Variants in LRIG2 observed in about 807,000 individuals in gnomAD.
The protein encoded by LRIG2 is leucine-rich repeats and immunoglobulin-like domains protein 2.
A neutral mutation model predicts 107.8 loss-of-function variants in LRIG2; 93 were observed. The ratio of observed to expected loss-of-function variants is 0.86; its 90% CI spans 0.73 to 1.03. The LOEUF is 1.03. Among genes scored for constraint, LRIG2 ranks in the 50% least tolerant of loss-of-function variants. The probability of loss-of-function intolerance (pLI) is 0.00; values close to 1 mark genes in which losing one functional copy is unlikely to be tolerated. For synonymous variants in LRIG2, 471 were observed against 470.6 expected, an observed-to-expected ratio of 1.00 and a Z score of -0.01; for missense variants, 1,226 against 1,296.0, an observed-to-expected ratio of 0.95 and a Z score of 0.83.
intron 15 of LRIG2, among the ~76,000 whole-genome samples, chr1:113,115,622 G>A (rs1352356899): frequency 6.6e-6 from 1 of 151,956 alleles, no homozygotes; most frequent in Admixed American, 6.6e-5. Context: ...CCACTTCCCG[G>A]GTTCAAGCGA....
rs1199575794 is a variant in LRIG2 at position 113,095,872 on chromosome 1, A to C, written c.804-2A>C. ...TTTTCTTCTCTTTCTCTAATTCTGC[A>C]GAGAACTGGAACACAACAACCTTAC... On this transcript the variant is annotated splice_acceptor_variant, in intron 6 of 17. Transcript: ENST00000361127. LOFTEE classifies it high-confidence loss of function. 4 of 1,614,142 alleles carry C rather than the reference A, an allele frequency of 2.5e-6. No homozygotes were observed. The highest frequency in any genetic ancestry group is 1.7e-5 in the Admixed American group (1 of 60,014).
chr1:113,124,217 G>A lies in LRIG2; in HGVS notation c.*116G>A. ...TTTGCTTTACTCTTTCTTTATGATT[G>A]CATCTGACCGCACCAAGGTGGGCCA... On this transcript the variant is annotated 3_prime_UTR_variant, in exon 18 of 18. Transcript: ENST00000361127. The A allele has an allele frequency of 1.2e-6, 1 of 858,784 alleles. No homozygotes were observed. Among genetic ancestry groups the A allele is most frequent in the East Asian group, 2.6e-5 (1 of 38,056 alleles). 53.2% of individuals were successfully genotyped at this position (858,784 alleles called of 1,614,324 possible). A position where few individuals can be genotyped will look rare whatever the true frequency, so the allele number is the denominator to read the frequency against.
chr1:113,109,152 G>T (rs187370392), intron 12 of LRIG2, among the ~76,000 whole-genome samples: 1 of 152,104 alleles, frequency 6.6e-6, no homozygotes, highest in Non-Finnish European at 1.5e-5. Flanking sequence ...TGACATTGCC[G>T]CACATTCCCT....
Position 113,119,475 on chromosome 1 carries a change from C to T in LRIG2, c.2923C>T (p.His975Tyr). The T allele has an allele frequency of 6.2e-7, 1 of 1,614,122 alleles. No individual in the cohort carries two copies. Among genetic ancestry groups the T allele is most frequent in the Non-Finnish European group, 8.5e-7 (1 of 1,180,026 alleles). Reference protein sequence around the residue: ...NREPSAFPTNHERISEKKLPS... With the variant: ...NREPSAFPTNYERISEKKLPS... Reference sequence around the variant, plus strand: ...AGAGCCATCTGCCTTTCCCACCAACCATGAGAGGATAAGTGAGAAGAAACT... The same window carrying T: ...AGAGCCATCTGCCTTTCCCACCAACTATGAGAGGATAAGTGAGAAGAAACT... Residue 975 changes from histidine to tyrosine, a missense_variant, in exon 17 of 18, where the codon CAT (histidine) becomes TAT (tyrosine). Around this residue, in one of 3 missense-constraint regions of LRIG2, gnomAD observed 642 missense variants for 712.2 expected, o/e 0.90. Coordinates refer to ENST00000361127, the MANE Select transcript of LRIG2 (RefSeq NM_014813.3).
chr1:113,080,019 ATT>A (rs35584269), intron 1 of LRIG2, among the ~76,000 whole-genome samples: 19 of 112,602 alleles, frequency 1.7e-4, no homozygotes, highest in African/African-American at 5.9e-4. Context: ...CCTGGCCCGA[ATT>A]TTTTTTTTTT....
intron 17 of LRIG2, 54 bp downstream of exon 17, chr1:113,119,577 T>A (rs1655162566): frequency 6.5e-7 from 1 of 1,537,738 alleles, no homozygotes; most frequent in Non-Finnish European, 8.9e-7. Context: ...TAATTGACTC[T>A]TCCTTCTATC....
At chr1:113,090,113 G>A (rs951980533) in intron 1 of LRIG2, among the ~76,000 whole-genome samples, 2 of 152,034 alleles carry the variant, frequency 1.3e-5, no homozygotes, top group Middle Eastern at 3.2e-3. Flanking sequence ...TACAGTTAAG[G>A]CATAATACAT....
At chr1:113,105,400 G>T (rs116487425) in intron 11 of LRIG2, among the ~76,000 whole-genome samples, 2,623 of 152,122 alleles carry the variant, frequency 0.017, 67 homozygotes, top group African/African-American at 0.06. Context: ...CTCCCTCTTG[G>T]TTTAGTGGTA....
intron 13 of LRIG2, among the ~76,000 whole-genome samples, 168 bp from the exon 14 acceptor site, chr1:113,112,311 T>C (rs1170592573): frequency 6.6e-6 from 1 of 152,164 alleles, no homozygotes; most frequent in Non-Finnish European, 1.5e-5. Flanking sequence ...GTTTTTGTTT[T>C]TTTAAATTTA....
chr1:113,110,595 T>G lies in LRIG2; in HGVS notation c.1798+33T>G. ...ATTATGCTCCTTGATTTTTTTTAGT[T>G]TAGAAGGATTTTTCATGTTCAGTTT... is the stretch of plus-strand genomic sequence containing the variant. On this transcript the variant is annotated intron_variant, in intron 13 of 17. Coordinates refer to ENST00000361127, the MANE Select transcript of LRIG2 (RefSeq NM_014813.3). 2.0e-6 allele frequency: 3 copies of G among 1,474,352 alleles called. No homozygotes were observed. The South Asian group carries it at 3.9e-5, about 19-fold the overall frequency. 91.3% of individuals were successfully genotyped at this position (1,474,352 alleles called of 1,614,324 possible). A position where few individuals can be genotyped will look rare whatever the true frequency, so the allele number is the denominator to read the frequency against.
chr1:113,085,094 ATC>A (rs1453489709), intron 1 of LRIG2, among the ~76,000 whole-genome samples: 1 of 152,190 alleles, frequency 6.6e-6, no homozygotes, highest in African/African-American at 2.4e-5. Context: ...TGTATTCTCT[ATC>A]TCTTCTCCTT....
intron 11 of LRIG2, among the ~76,000 whole-genome samples, chr1:113,102,999 G>T (rs949291879): frequency 2.3e-5 from 2 of 86,904 alleles, no homozygotes; most frequent in South Asian, 3.4e-4. Flanking sequence ...AGTATACTCC[G>T]CCCCCCTCCT....
In LRIG2 at chr1:113,109,609, C is replaced by G. The variant is rs373906850; in HGVS notation, c.1478-633C>G. 2.1e-3 allele frequency among the ~76,000 whole-genome samples: 315 copies of G among 152,236 alleles called. 1 individual carries two copies. The highest frequency in any genetic ancestry group is 3.7e-3 in the Admixed American group (56 of 15,280). The stretch of plus-strand genomic sequence containing the variant: ...CTCGGCTCACTAGCCACCTCTACCC[C>G]CCGGGTTCAAGTGATTCTCCTTCCT... On this transcript the variant is annotated intron_variant, in intron 12 of 17. Transcript: ENST00000361127.
chr1:113,109,513 T>TTA (rs368855610), intron 12 of LRIG2, among the ~76,000 whole-genome samples: 131 of 152,296 alleles, frequency 8.6e-4, no homozygotes, highest in African/African-American at 3.0e-3. Context: ...AGGATAATGG[T>TTA]TATATATATA....
intron 1 of LRIG2, among the ~76,000 whole-genome samples, chr1:113,088,254 A>G (rs2101027821): frequency 6.6e-6 from 1 of 152,312 alleles, no homozygotes; most frequent in South Asian, 2.1e-4. Context: ...ATTTTCCGGT[A>G]CAGAGGCTGC....
chr1:113,116,433 G>C lies in LRIG2; in HGVS notation c.2677G>C (p.Asp893His). The change falls in exon 16 of 18, where the codon GAC becomes CAC. Residue 893 changes from aspartate (D) to histidine (H), a missense_variant. By Grantham distance (81) the Asp-to-His change is moderately conservative (BLOSUM62 -1). Transcript: ENST00000361127. ...PANGYIHKGT[D>H]GGTGTRVICS... ...CAATGGATATATACACAAAGGCACT[G>C]ACGGTAATGACTCTGTTGTTTATGG... is the stretch of plus-strand genomic sequence containing the variant. 6.6e-7 allele frequency: 1 copy of C among 1,506,370 alleles called. No homozygotes were observed. The highest frequency in any genetic ancestry group is 8.9e-7 in the Non-Finnish European group (1 of 1,123,056). The allele number at this position is 1,506,370 out of a possible 1,614,324, so 93.3% of individuals were successfully genotyped here.
At chr1:113,074,251 TAAACTTCACTGTA>T (rs1309991093) in intron 1 of LRIG2, among the ~76,000 whole-genome samples, 1 of 152,202 alleles carries the variant, frequency 6.6e-6, no homozygotes, top group East Asian at 1.9e-4. Flanking sequence ...TGATCTAATT[TAAACTTCACTGTA>T]AAGAGGAGGA....
chr1:113,106,884 T>C (rs1458241424), intron 11 of LRIG2, among the ~76,000 whole-genome samples: 1 of 152,158 alleles, frequency 6.6e-6, no homozygotes, highest in Non-Finnish European at 1.5e-5. Flanking sequence ...CTCTCAATGC[T>C]CCAATATATA....
At chr1:113,084,580 C>T (rs1653462052) in intron 1 of LRIG2, among the ~76,000 whole-genome samples, 1 of 151,832 alleles carries the variant, frequency 6.6e-6, no homozygotes, top group South Asian at 2.1e-4. Context: ...GATTAACGTC[C>T]TAATTATGTT....
Sources: gnomAD v4.1 joint callset for allele counts (sites outside exome capture counted in the v4.1 genomes callset) on GRCh38, gnomAD v4.1.1 for gene constraint, gnomAD v4.1.1 regional missense constraint, MANE v1.5 for transcripts, NCBI Gene and HGNC (gene_info 2026-07-23, HGNC 2026-07-21) for gene names.